The following SORCS2 variants were observed in gnomAD, a reference collection of about 807,000 sequenced individuals.
The protein encoded by SORCS2 is sortilin related VPS10 domain containing receptor 2, also known as VPS10 domain-containing receptor SorCS2.
In SORCS2, 100 loss-of-function variants were observed where a neutral mutation model predicts 141.6. The observed-to-expected ratio is 0.71, with a 90% CI of 0.60 to 0.83. The LOEUF is 0.83. SORCS2 is among the 40% of genes least tolerant of loss of function. SORCS2 has a pLI of 0.00. For synonymous variants in SORCS2, 789 were observed against 676.9 expected (o/e 1.17, Z -2.57); for missense variants, 1,646 against 1,560.2 (o/e 1.05, Z -0.93).
At chr4:7,331,251 C>T (rs576309100) in intron 1 of SORCS2, among the ~76,000 whole-genome samples, 9 of 151,996 alleles carry the variant, frequency 5.9e-5, no homozygotes, top group African/African-American at 1.9e-4. Flanking sequence ...ATGCACCTCA[C>T]GTGACCTGGG....
At chr4:7,715,373 GA>G in intron 17 of SORCS2, 62 bp downstream of exon 17, 4 of 1,588,220 alleles carry the variant, frequency 2.5e-6, no homozygotes, top group Middle Eastern at 3.3e-4. Context: ...GTGCAGCCCC[GA>G]AACCACGCCT....
In SORCS2 at chr4:7,350,287, A is replaced by G. The variant is rs901527734; in HGVS notation, c.481-46001A>G. Among the ~76,000 whole-genome samples the G allele has an allele frequency of 4.6e-5, 7 of 152,196 alleles. No individual in the cohort carries two copies. In the South Asian group the frequency reaches 1.2e-3, roughly 27 times the overall value. Reference sequence around the variant, plus strand: ...TATTTACAGCATCCACAATTAGGGGACAGTGTCAGCGTTCCAGAGTGGGGC... The same window carrying G: ...TATTTACAGCATCCACAATTAGGGGGCAGTGTCAGCGTTCCAGAGTGGGGC... On this transcript the variant is annotated intron_variant, in intron 1 of 26. Coordinates refer to ENST00000507866, the MANE Select transcript of SORCS2 (RefSeq NM_020777.3).
intron 2 of SORCS2, among the ~76,000 whole-genome samples, chr4:7,448,150 A>G (rs1358277145): frequency 2.0e-5 from 3 of 152,170 alleles, no homozygotes; most frequent in Non-Finnish European, 4.4e-5. Flanking sequence ...TTTCTGAGGC[A>G]CAGTTGTGTT....
intron 2 of SORCS2, among the ~76,000 whole-genome samples, chr4:7,498,365 G>T (rs1224724603): frequency 6.6e-6 from 1 of 152,250 alleles, no homozygotes; most frequent in South Asian, 2.1e-4. Flanking sequence ...CTGCCCAGAG[G>T]CTGTGTTCCT....
chr4:7,457,200 A>G (rs1215003858), intron 2 of SORCS2, among the ~76,000 whole-genome samples: 3 of 152,194 alleles, frequency 2.0e-5, no homozygotes, highest in African/African-American at 7.2e-5. Context: ...CCCAAGGCAT[A>G]TTCTGTCTTC....
chr4:7,425,177 C>T (rs71601839), intron 2 of SORCS2, among the ~76,000 whole-genome samples: 12,219 of 152,308 alleles, frequency 0.08, 571 homozygotes, highest in Non-Finnish European at 0.094. Context: ...CAGCACACCA[C>T]GCAGGAGCCT....
intron 3 of SORCS2, among the ~76,000 whole-genome samples, chr4:7,569,032 TC>T (rs1212005705): frequency 3.9e-5 from 6 of 152,174 alleles, no homozygotes; most frequent in Non-Finnish European, 7.3e-5. Flanking sequence ...GATCTGTGTT[TC>T]TTGGGGATGT....
intron 2 of SORCS2, among the ~76,000 whole-genome samples, chr4:7,493,159 G>A (rs1266429569): frequency 6.6e-6 from 1 of 152,190 alleles, no homozygotes; most frequent in African/African-American, 2.4e-5. Context: ...ATTGGTAGAG[G>A]GGAAAGAGGA....
chr4:7,613,004 A>C (rs1718519637), intron 3 of SORCS2, among the ~76,000 whole-genome samples: 1 of 150,410 alleles, frequency 6.6e-6, no homozygotes, highest in African/African-American at 2.4e-5. Context: ...TCCCCAACTG[A>C]CTGCAAGCCC....
At chr4:7,649,243 C>T (rs747198192) in intron 4 of SORCS2, among the ~76,000 whole-genome samples, 1 of 151,880 alleles carries the variant, frequency 6.6e-6, no homozygotes, top group Admixed American at 6.6e-5. Flanking sequence ...CTCAGAGGAC[C>T]CTGTGCACAT....
intron 2 of SORCS2, among the ~76,000 whole-genome samples, chr4:7,478,510 C>T (rs1432580932): frequency 1.3e-5 from 2 of 152,144 alleles, no homozygotes; most frequent in African/African-American, 4.8e-5. Context: ...TTACTCTTTC[C>T]CTTGAGGCAG....
At chr4:7,350,759 T>C (rs1432751008) in intron 1 of SORCS2, among the ~76,000 whole-genome samples, 1 of 152,220 alleles carries the variant, frequency 6.6e-6, no homozygotes, top group Non-Finnish European at 1.5e-5. Context: ...GTCACACTGC[T>C]TTTTTCATTG....
At chr4:7,600,101 C>T (rs1442919472) in intron 3 of SORCS2, among the ~76,000 whole-genome samples, 1 of 152,096 alleles carries the variant, frequency 6.6e-6, no homozygotes, top group Admixed American at 6.5e-5. Flanking sequence ...GGATTACAGC[C>T]ATGAGCCACC....
intron 2 of SORCS2, chr4:7,430,498 G>A (rs1366423621): frequency 6.6e-6 from 1 of 152,250 alleles, no homozygotes; most frequent in African/African-American, 2.4e-5. Context: ...AGCATCCATA[G>A]GTGTTCTGGG....
chr4:7,387,700 G>A lies in SORCS2; in HGVS notation c.481-8588G>A, dbSNP rs567676911. The stretch of plus-strand genomic sequence containing the variant: ...CATACAGGTACACAGAGATACACAC[G>A]CACATGCACACACATGCACACACAT... On this transcript the variant is annotated intron_variant, in intron 1 of 26. Coordinates refer to ENST00000507866, the MANE Select transcript of SORCS2 (RefSeq NM_020777.3). 9.2e-3 allele frequency among the ~76,000 whole-genome samples: 1,009 copies of A among 110,020 alleles called. 6 individuals carry two copies. The highest frequency in any genetic ancestry group is 0.027 in the Middle Eastern group (3 of 110). The allele number at this position is 110,020 out of a possible 152,430, so 72.2% of individuals were successfully genotyped here. A position where few individuals can be genotyped will look rare whatever the true frequency, so the allele number is the denominator to read the frequency against.
chr4:7,356,394 T>C (rs1721254799), intron 1 of SORCS2, among the ~76,000 whole-genome samples: 1 of 152,236 alleles, frequency 6.6e-6, no homozygotes, highest in Non-Finnish European at 1.5e-5. Context: ...GCTGAGTTTC[T>C]GGTTTCTGGT....
At chr4:7,382,713 TAC>T (rs1346466227) in intron 1 of SORCS2, among the ~76,000 whole-genome samples, 1 of 151,504 alleles carries the variant, frequency 6.6e-6, no homozygotes, top group Non-Finnish European at 1.5e-5. Context: ...AGAATCAGCG[TAC>T]GGGGGCTGGA....
intron 2 of SORCS2, among the ~76,000 whole-genome samples, chr4:7,417,288 G>C (rs1217216167): frequency 6.6e-6 from 1 of 152,268 alleles, no homozygotes; most frequent in Middle Eastern, 3.4e-3. Flanking sequence ...GCTGAGAGAT[G>C]GCAGCGCCAG....
chr4:7,224,486 T>G (rs1577295622), intron 1 of SORCS2, among the ~76,000 whole-genome samples: 1 of 141,026 alleles, frequency 7.1e-6, no homozygotes, highest in East Asian at 2.1e-4. Flanking sequence ...GCCTTTTGCT[T>G]TGGTCAGCTG....
Sources: allele counts gnomAD v4.1 joint callset (sites outside exome capture counted in the v4.1 genomes callset), GRCh38; gene constraint gnomAD v4.1.1; transcripts MANE v1.5; gene names NCBI Gene and HGNC (gene_info 2026-07-23, HGNC 2026-07-21).